Variants in GRK4 observed in about 807,000 individuals in gnomAD.
The protein encoded by GRK4 is G protein-coupled receptor kinase 2-like.
Under a neutral mutation model 77.9 loss-of-function variants are expected in GRK4, and 73 were observed. The observed-to-expected ratio is 0.94, with a 90% CI of 0.78 to 1.14. GRK4 has a LOEUF of 1.14. Ranked by LOEUF, GRK4 falls within the 50% of genes most tolerant of loss-of-function variation. The pLI, the probability that GRK4 is intolerant of heterozygous loss-of-function variation, is 0.00. For missense variants in GRK4, 729 were observed against 700.2 expected, an observed-to-expected ratio of 1.04 and a Z score of -0.46; for synonymous variants, 257 against 254.4, an observed-to-expected ratio of 1.01 and a Z score of -0.10.
Position 3,040,757 on chromosome 4 carries a change from C to T in GRK4, c.*132C>T. 1 of 440,856 alleles carries T rather than the reference C, an allele frequency of 2.3e-6. No homozygotes were observed. The allele number at this position is 440,856 out of a possible 1,614,324, so 27.3% of individuals were successfully genotyped here. ...TTGGGAGTGTACAGACCTTTCTGCA[C>T]TAATACCTGAGTTGTCTTTTCACTA... On this transcript the variant is annotated 3_prime_UTR_variant, in exon 16 of 16. Coordinates refer to ENST00000398052, the MANE Select transcript of GRK4 (RefSeq NM_182982.3).
chr4:3,028,485 C>G (rs1458400528), intron 11 of GRK4, among the ~76,000 whole-genome samples: 1 of 152,134 alleles, frequency 6.6e-6, no homozygotes, highest in Non-Finnish European at 1.5e-5. Flanking sequence ...TTTCACTGCC[C>G]TGGGATAGAT....
At position 3,038,359 on chromosome 4, in the gene GRK4, T is replaced by G; in HGVS notation, c.1546-17T>G. 3.1e-6 allele frequency: 5 copies of G among 1,614,012 alleles called. No individual in the cohort carries two copies. Among genetic ancestry groups the G allele is most frequent in the South Asian group, 1.1e-5 (1 of 91,082 alleles). Reference sequence around the variant, plus strand: ...GTTTCTCTGCGGCTTCTCTGTCCTGTTATTCTGTGCATGCAGATGATCGAA... The same window carrying G: ...GTTTCTCTGCGGCTTCTCTGTCCTGGTATTCTGTGCATGCAGATGATCGAA... On this transcript the variant is annotated splice_polypyrimidine_tract_variant and intron_variant, in intron 14 of 15. Transcript: ENST00000398052.
At position 2,992,236 on chromosome 4, in the gene GRK4, G is replaced by C. The variant is rs13305979; in HGVS notation, c.283G>C (p.Asp95His). 981 of 1,610,560 alleles carry C rather than the reference G, an allele frequency of 6.1e-4. 10 individuals are homozygous for C. The East Asian group carries it at 0.019, about 31-fold the overall frequency. The change falls in exon 4 of 16, where the codon GAT becomes CAT. Residue 95 changes from aspartate (D) to histidine (H), a missense_variant. Coordinates refer to ENST00000398052, the MANE Select transcript of GRK4 (RefSeq NM_182982.3). Reference protein sequence around the residue: ...DAVAEYEVADDEDRSDCGLSI... With the variant: ...DAVAEYEVADHEDRSDCGLSI... ...TCAGGCAGAATATGAAGTTGCCGATGATGAGGACCGAAGTGATTGTGGACT... is the reference window on the plus strand; with the variant it reads ...TCAGGCAGAATATGAAGTTGCCGATCATGAGGACCGAAGTGATTGTGGACT...
At chr4:2,996,199 C>T (rs1727831127) in intron 4 of GRK4, among the ~76,000 whole-genome samples, 1 of 152,128 alleles carries the variant, frequency 6.6e-6, no homozygotes, top group African/African-American at 2.4e-5. Flanking sequence ...CAAAAGGGGG[C>T]AAACCTACTC....
intron 1 of GRK4, among the ~76,000 whole-genome samples, chr4:2,982,207 G>A (rs1047569615): frequency 1.3e-5 from 2 of 152,020 alleles, no homozygotes; most frequent in South Asian, 2.1e-4. Context: ...AACCTGGAAG[G>A]GGGTAGGGCT....
intron 4 of GRK4, among the ~76,000 whole-genome samples, chr4:3,001,073 C>CTATA (rs368506630): frequency 7.9e-5 from 6 of 76,122 alleles, no homozygotes; most frequent in African/African-American, 1.3e-4. Context: ...CTAAATGAGA[C>CTATA]TATATATATA....
rs186622287 is a variant in GRK4, at chr4:3,026,905, A to G, written c.971-1007A>G. On this transcript the variant is annotated intron_variant, in intron 10 of 15. Coordinates refer to ENST00000398052, the MANE Select transcript of GRK4 (RefSeq NM_182982.3). ...TATTGGTTATTCATTCATTTCACCA[A>G]TAAATATTTATTGAGCACCTACTGT... is the stretch of plus-strand genomic sequence containing the variant. Among the ~76,000 whole-genome samples the G allele has an allele frequency of 2.0e-5, 3 of 152,368 alleles. No individual in the cohort carries two copies. The East Asian group carries it at 5.8e-4, about 29-fold the overall frequency.
chr4:2,975,364 G>C (rs753709939), intron 1 of GRK4, among the ~76,000 whole-genome samples: 11 of 152,138 alleles, frequency 7.2e-5, no homozygotes, highest in Non-Finnish European at 1.6e-4. Context: ...GGCTCCTCAG[G>C]ATTCCGCAGC....
intron 1 of GRK4, 78 bp from the exon 2 acceptor site, chr4:2,984,435 A>G (rs1252161280): frequency 2.7e-6 from 2 of 750,406 alleles, no homozygotes; most frequent in South Asian, 1.6e-5. Context: ...AAATGTTAAG[A>G]TATATTGGTG....
chr4:3,035,199 C>T (rs1348715123), intron 12 of GRK4, among the ~76,000 whole-genome samples, 187 bp from the exon 13 acceptor site: 3 of 151,596 alleles, frequency 2.0e-5, no homozygotes, highest in East Asian at 1.9e-4. Flanking sequence ...GAGCCGAGAT[C>T]GCACCACTGC....
chr4:2,968,697 C>T (rs1421450721), intron 1 of GRK4, among the ~76,000 whole-genome samples: 1 of 152,092 alleles, frequency 6.6e-6, no homozygotes, highest in Non-Finnish European at 1.5e-5. Context: ...TATTAGCAAG[C>T]AGTGAGTGCC....
intron 10 of GRK4, among the ~76,000 whole-genome samples, chr4:3,025,600 G>A (rs982932232): frequency 6.6e-6 from 1 of 151,612 alleles, no homozygotes; most frequent in East Asian, 2.0e-4. Context: ...CACCGTGTTA[G>A]CCAGGATGGT....
rs1335893291 is a variant in GRK4, at chr4:3,013,732, CA to C, written c.650del (p.Lys217SerfsTer7). ...VRATGKMYAC[K>X]KLQKKRIKKR... is the part of the protein sequence containing the mutation. ...GAGCCACAGGAAAAATGTATGCCTG[CA>C]AAAAGCTACAAAAAAAAAGAATAAA... is the stretch of plus-strand genomic sequence containing the variant. On this transcript the variant is annotated frameshift_variant, in exon 8 of 16. Transcript: ENST00000398052. LOFTEE classifies it high-confidence loss of function. The C allele has an allele frequency of 1.2e-6, 2 of 1,611,136 alleles. No individual in the cohort carries two copies. The highest frequency in any genetic ancestry group is 1.7e-6 in the Non-Finnish European group (2 of 1,178,892).
chr4:2,976,661 A>G (rs1377988418), intron 1 of GRK4, among the ~76,000 whole-genome samples: 1 of 91,584 alleles, frequency 1.1e-5, no homozygotes, highest in African/African-American at 4.4e-5. Flanking sequence ...TTGGTTTGAT[A>G]CAGAGTTTTG....
At chr4:2,989,112 C>A (rs148718113) in intron 3 of GRK4, among the ~76,000 whole-genome samples, 1 of 151,778 alleles carries the variant, frequency 6.6e-6, no homozygotes, top group African/African-American at 2.4e-5. Context: ...AACCAGGAGG[C>A]GGAGGTTGCA....
At chr4:3,026,379 GACA>G (rs764863052) in intron 10 of GRK4, among the ~76,000 whole-genome samples, 15 of 152,016 alleles carry the variant, frequency 9.9e-5, no homozygotes, top group African/African-American at 3.6e-4. Flanking sequence ...AGAAAAATAA[GACA>G]ATGATACGAA....
At chr4:2,986,890 T>C in intron 2 of GRK4, 1 of 320,218 alleles carries the variant, frequency 3.1e-6, no homozygotes, top group Non-Finnish European at 6.2e-6. Flanking sequence ...GGAGCTAGTA[T>C]TTCCCTCATT....
chr4:3,037,428 A>AAAGGG lies in GRK4; in HGVS notation c.1464_1468dup (p.Ile490LysfsTer29). On this transcript the variant is annotated frameshift_variant, in exon 14 of 16. Transcript: ENST00000398052. LOFTEE classifies it high-confidence loss of function. ...GGATATCGAGCAGTTCTCGGTGGTG[A>AAAGGG]AAGGGATCTACCTGGACACCGCAGA... 1 of 1,605,508 alleles carries AAAGGG rather than the reference A, an allele frequency of 6.2e-7. No individual in the cohort carries two copies. The highest frequency in any genetic ancestry group is 1.1e-5 in the South Asian group (1 of 90,674).
At chr4:3,013,559 G>A (rs980837623) in intron 7 of GRK4, 129 bp from the exon 8 acceptor site, 10 of 1,069,880 alleles carry the variant, frequency 9.3e-6, no homozygotes, top group East Asian at 4.8e-5. Context: ...CCTTTGAAAC[G>A]GTCTCGGCTC....
Sources: gnomAD v4.1 joint callset for allele counts (sites outside exome capture counted in the v4.1 genomes callset) on GRCh38, gnomAD v4.1.1 for gene constraint, MANE v1.5 for transcripts, NCBI Gene and HGNC (gene_info 2026-07-23, HGNC 2026-07-21) for gene names.